Variants in SLC4A4 observed in about 807,000 individuals in gnomAD.
SLC4A4 encodes the protein solute carrier family 4 member 4.
A neutral mutation model predicts 111.5 loss-of-function variants in SLC4A4; 27 were observed. The ratio of observed to expected loss-of-function variants is 0.24; its 90% confidence interval spans 0.18 to 0.33. The LOEUF (loss-of-function observed/expected upper bound fraction) is 0.33. Ranked by LOEUF, SLC4A4 falls within the 10% of genes least tolerant of loss-of-function variation. The pLI, the probability that SLC4A4 is intolerant of heterozygous loss-of-function variation, is 1.00. For missense variants in SLC4A4, 909 were observed against 1,315.5 expected, an observed-to-expected ratio of 0.69 and a Z score of 4.78; for synonymous variants, 443 against 463.4, an observed-to-expected ratio of 0.96 and a Z score of 0.57.
rs148965399 is a variant in SLC4A4 at position 71,498,791 on chromosome 4, G to A, written c.2166+1099G>A. On this transcript the variant is annotated intron_variant, in intron 16 of 25. Transcript: ENST00000264485. ...GGGCATTACAAGCTGGTGATCCACA[G>A]GCAGAAAGAATTCAACCCACAGCCA... 2.2e-3 allele frequency among the ~76,000 whole-genome samples: 340 copies of A among 152,232 alleles called. 1 individual carries two copies. Among genetic ancestry groups the A allele is most frequent in the African/African-American group, 7.5e-3 (312 of 41,550 alleles).
At chr4:71,155,021 C>G (rs1236624807) in intron 2 of SLC4A4, among the ~76,000 whole-genome samples, 1 of 152,038 alleles carries the variant, frequency 6.6e-6, no homozygotes, top group Non-Finnish European at 1.5e-5. Flanking sequence ...CCTAGTGGGT[C>G]ACAAAATCAA....
chr4:71,518,492 G>A (rs143494827), intron 16 of SLC4A4, among the ~76,000 whole-genome samples: 66 of 152,110 alleles, frequency 4.3e-4, no homozygotes, highest in African/African-American at 1.4e-3. Context: ...GGCTCTCTGG[G>A]CTGACCTCAC....
At chr4:71,489,601 C>T (rs576456491) in intron 15 of SLC4A4, among the ~76,000 whole-genome samples, 30 of 151,872 alleles carry the variant, frequency 2.0e-4, no homozygotes, top group African/African-American at 6.7e-4. Context: ...CATGCAGCCT[C>T]CATAACTCAG....
At chr4:71,444,155 C>T (rs1314288475) in intron 8 of SLC4A4, among the ~76,000 whole-genome samples, 4 of 152,060 alleles carry the variant, frequency 2.6e-5, no homozygotes, top group South Asian at 4.2e-4. Flanking sequence ...ATATCTTTTC[C>T]GAAAACATCA....
intron 13 of SLC4A4, among the ~76,000 whole-genome samples, chr4:71,468,781 A>G (rs1727613930): frequency 6.6e-6 from 1 of 151,264 alleles, no homozygotes; most frequent in African/African-American, 2.4e-5. Context: ...GAAGTGCTGT[A>G]TACTATATAC....
intron 2 of SLC4A4, among the ~76,000 whole-genome samples, chr4:71,245,707 A>C (rs1720606860): frequency 6.6e-6 from 1 of 152,106 alleles, no homozygotes; most frequent in Non-Finnish European, 1.5e-5. Context: ...AAGGACAGGG[A>C]TGGAGATATA....
chr4:71,200,738 A>G (rs1209936727), intron 1 of SLC4A4, among the ~76,000 whole-genome samples: 1 of 152,018 alleles, frequency 6.6e-6, no homozygotes, highest in African/African-American at 2.4e-5. Flanking sequence ...GCAAACCACC[A>G]TGGCAGGTGT....
At chr4:71,179,636 A>G (rs1465800187) in intron 2 of SLC4A4, among the ~76,000 whole-genome samples, 1 of 152,172 alleles carries the variant, frequency 6.6e-6, no homozygotes, top group Admixed American at 6.5e-5. Context: ...TAGGACTCCA[A>G]CTTACAAGGG....
chr4:71,283,554 GT>G (rs1723691230), intron 3 of SLC4A4, among the ~76,000 whole-genome samples: 1 of 152,146 alleles, frequency 6.6e-6, no homozygotes, highest in African/African-American at 2.4e-5. Context: ...CGTTACCCCA[GT>G]TTCCAGAGAA....
intron 6 of SLC4A4, among the ~76,000 whole-genome samples, chr4:71,388,104 G>A (rs1370215711): frequency 6.6e-6 from 1 of 152,138 alleles, no homozygotes; most frequent in African/African-American, 2.4e-5. Context: ...TTCCCTCTTA[G>A]CCTTTAACTA....
chr4:71,336,410 A>G (rs1398262883), intron 3 of SLC4A4, among the ~76,000 whole-genome samples: 1 of 152,230 alleles, frequency 6.6e-6, no homozygotes, highest in South Asian at 2.1e-4. Context: ...GTTGTTAGCT[A>G]TAAAGGTATA....
chr4:71,486,800 T>C, intron 14 of SLC4A4, 148 bp from the exon 15 acceptor site: 2 of 541,210 alleles, frequency 3.7e-6, no homozygotes, highest in Non-Finnish European at 6.7e-6. Flanking sequence ...TGAACACATT[T>C]ATAATAAATA....
chr4:71,347,070 G>A (rs1434546794), intron 4 of SLC4A4, among the ~76,000 whole-genome samples: 1 of 152,100 alleles, frequency 6.6e-6, no homozygotes, highest in African/African-American at 2.4e-5. Context: ...TTGACCTAAA[G>A]AGCTGGTGTA....
chr4:71,106,497 A>C (rs1412354424), intron 2 of SLC4A4, among the ~76,000 whole-genome samples: 1 of 145,790 alleles, frequency 6.9e-6, no homozygotes, highest in Non-Finnish European at 1.5e-5. Context: ...GGCATTATTC[A>C]CAATAGCAAA....
At chr4:71,318,408 A>G (rs1018513311) in intron 3 of SLC4A4, among the ~76,000 whole-genome samples, 1 of 152,048 alleles carries the variant, frequency 6.6e-6, no homozygotes, top group Admixed American at 6.6e-5. Context: ...AACAATTTTA[A>G]TTGCAGTTGA....
chr4:71,560,376 G>A, intron 23 of SLC4A4, 122 bp downstream of exon 23: 2 of 1,125,904 alleles, frequency 1.8e-6, no homozygotes, highest in South Asian at 2.7e-5. Context: ...TGGACATGTG[G>A]TGTATTACTC....
intron 3 of SLC4A4, among the ~76,000 whole-genome samples, chr4:71,275,300 T>A (rs945295682): frequency 3.9e-5 from 6 of 152,178 alleles, no homozygotes; most frequent in African/African-American, 7.2e-5. Context: ...CACATTTTTT[T>A]TTCCCTCCAA....
intron 2 of SLC4A4, among the ~76,000 whole-genome samples, chr4:71,154,516 G>A (rs1473879927): frequency 6.6e-6 from 1 of 151,992 alleles, no homozygotes; most frequent in African/African-American, 2.4e-5. Flanking sequence ...ATGCAGTAAA[G>A]AATTACCTGC....
At chr4:71,203,102 A>T (rs1746331935) in intron 1 of SLC4A4, among the ~76,000 whole-genome samples, 1 of 152,130 alleles carries the variant, frequency 6.6e-6, no homozygotes, top group South Asian at 2.1e-4. Context: ...TTTGAGGTAG[A>T]CTACTAGATG....
Sources: gnomAD v4.1 joint callset for allele counts (sites outside exome capture counted in the v4.1 genomes callset) on GRCh38, gnomAD v4.1.1 for gene constraint, MANE v1.5 for transcripts, NCBI Gene and HGNC (gene_info 2026-07-23, HGNC 2026-07-21) for gene names.